The following PTPRT variants were observed in gnomAD, a reference collection of about 807,000 sequenced individuals.
The protein encoded by PTPRT is receptor-type tyrosine-protein phosphatase T.
In PTPRT, 56 loss-of-function variants were observed where a neutral mutation model predicts 176.8. The ratio of observed to expected loss-of-function variants is 0.32; its 90% CI spans 0.26 to 0.40. The LOEUF is 0.40. PTPRT is among the 10% of genes least tolerant of loss of function. The pLI is 1.00. For missense variants in PTPRT, 1,540 were observed against 1,908.2 expected (o/e 0.81, Z 3.60); for synonymous variants, 783 against 739.0 (o/e 1.06, Z -0.96).
At chr20:42,382,514 A>C (rs2058706564) in intron 9 of PTPRT, among the ~76,000 whole-genome samples, 1 of 152,186 alleles carries the variant, frequency 6.6e-6, no homozygotes, top group Non-Finnish European at 1.5e-5. Flanking sequence ...CCGTCCTGGA[A>C]CTGAGACATA....
At chr20:42,940,558 A>AT (rs1237448732) in intron 1 of PTPRT, among the ~76,000 whole-genome samples, 20 of 152,152 alleles carry the variant, frequency 1.3e-4, no homozygotes, top group Non-Finnish European at 2.1e-4. Context: ...ACATTGGAGC[A>AT]TTGACAGTGT....
At chr20:43,117,341 C>T (rs2013098883) in intron 1 of PTPRT, among the ~76,000 whole-genome samples, 1 of 152,238 alleles carries the variant, frequency 6.6e-6, no homozygotes, top group Non-Finnish European at 1.5e-5. Flanking sequence ...CATTTACACA[C>T]TTCTAGAGTT....
intron 5 of PTPRT, among the ~76,000 whole-genome samples, chr20:42,757,942 A>G (rs2076859395): frequency 6.6e-6 from 1 of 152,182 alleles, no homozygotes; most frequent in South Asian, 2.1e-4. Flanking sequence ...ATTTTTGTAT[A>G]AATCTTCATT....
intron 2 of PTPRT, among the ~76,000 whole-genome samples, chr20:42,857,877 A>C (rs1600482802): frequency 6.6e-6 from 1 of 152,020 alleles, no homozygotes; most frequent in Non-Finnish European, 1.5e-5. Context: ...TTTATGCGGG[A>C]CCCCTATTCC....
At chr20:42,140,108 C>A (rs1314593050) in intron 18 of PTPRT, among the ~76,000 whole-genome samples, 2 of 152,204 alleles carry the variant, frequency 1.3e-5, no homozygotes, top group Non-Finnish European at 2.9e-5. Flanking sequence ...TTACAATCTG[C>A]CTGTATCTTA....
intron 1 of PTPRT, among the ~76,000 whole-genome samples, chr20:43,108,713 G>C (rs559488435): frequency 2.0e-5 from 3 of 152,038 alleles, no homozygotes; most frequent in African/African-American, 7.2e-5. Flanking sequence ...GTTGGCGTGG[G>C]GGATAGAGGG....
intron 4 of PTPRT, among the ~76,000 whole-genome samples, chr20:42,771,998 T>C (rs1232994969): frequency 6.6e-6 from 1 of 151,880 alleles, no homozygotes; most frequent in African/African-American, 2.4e-5. Context: ...AAAAGAAAAA[T>C]TGGGGGGCAG....
the PTPRT span, among the ~76,000 whole-genome samples, chr20:42,034,157 T>G: frequency 7.2e-5 from 11 of 152,142 alleles, no homozygotes; most frequent in Non-Finnish European, 1.5e-5. Context: ...AAGGTTGAAA[T>G]CAAGGTGTTG....
At chr20:42,832,878 A>T (rs984165443) in intron 2 of PTPRT, among the ~76,000 whole-genome samples, 1 of 147,300 alleles carries the variant, frequency 6.8e-6, no homozygotes, top group Admixed American at 6.8e-5. Context: ...CAGAGGTGGG[A>T]GGATTGTTTG....
intron 25 of PTPRT, among the ~76,000 whole-genome samples, chr20:42,104,066 T>A (rs543440436): frequency 6.6e-6 from 1 of 152,182 alleles, no homozygotes; most frequent in South Asian, 2.1e-4. Flanking sequence ...CCAAAATCCA[T>A]GTCGTAATCT....
At chr20:43,182,386 TCTTC>T (rs1228353041) in intron 1 of PTPRT, among the ~76,000 whole-genome samples, 1 of 151,472 alleles carries the variant, frequency 6.6e-6, no homozygotes, top group East Asian at 1.9e-4. Flanking sequence ...TTTGCAAACA[TCTTC>T]CTTCTTTTTT....
chr20:42,806,471 A>G (rs1180540679), intron 2 of PTPRT, among the ~76,000 whole-genome samples: 1 of 128,610 alleles, frequency 7.8e-6, no homozygotes, highest in Non-Finnish European at 1.7e-5. Flanking sequence ...CGACAGAGCA[A>G]GACTCTGTCT....
intron 8 of PTPRT, among the ~76,000 whole-genome samples, chr20:42,469,224 G>GACA (rs2071151978): frequency 1.3e-5 from 2 of 151,960 alleles, no homozygotes; most frequent in Non-Finnish European, 2.9e-5. Flanking sequence ...TTTTGTTTGA[G>GACA]ACAGAGTCTC....
chr20:42,804,963 G>A (rs1170209321), intron 2 of PTPRT, among the ~76,000 whole-genome samples: 4 of 152,138 alleles, frequency 2.6e-5, no homozygotes, highest in African/African-American at 9.7e-5. Context: ...TTGAGATACT[G>A]GGAGTGAAGA....
chr20:42,553,098 G>A (rs1450608499), intron 7 of PTPRT, among the ~76,000 whole-genome samples: 1 of 152,062 alleles, frequency 6.6e-6, no homozygotes, highest in African/African-American at 2.4e-5. Flanking sequence ...TTACCTGAAA[G>A]AATCATGTGA....
intron 7 of PTPRT, among the ~76,000 whole-genome samples, chr20:42,473,625 C>A (rs1240479342): frequency 2.0e-5 from 3 of 152,054 alleles, no homozygotes; most frequent in Non-Finnish European, 4.4e-5. Flanking sequence ...GGGCCTACAC[C>A]ATGCTTGGCT....
intron 7 of PTPRT, among the ~76,000 whole-genome samples, chr20:42,488,175 T>G (rs1411933366): frequency 6.6e-6 from 1 of 152,170 alleles, no homozygotes; most frequent in Non-Finnish European, 1.5e-5. Flanking sequence ...TGCTTCTTAC[T>G]CATCACTGTC....
intron 7 of PTPRT, among the ~76,000 whole-genome samples, chr20:42,589,694 G>A (rs1192204286): frequency 6.6e-6 from 1 of 152,156 alleles, no homozygotes; most frequent in Admixed American, 6.5e-5. Context: ...CTTGCAACTC[G>A]ACTTCACACC....
intron 1 of PTPRT, among the ~76,000 whole-genome samples, chr20:43,137,010 A>G (rs2013853118): frequency 6.6e-6 from 1 of 152,186 alleles, no homozygotes; most frequent in South Asian, 2.1e-4. Flanking sequence ...CTAATGCCAG[A>G]TTCTAGAATC....
Sources: gnomAD v4.1 joint callset for allele counts (sites outside exome capture counted in the v4.1 genomes callset) on GRCh38, gnomAD v4.1.1 for gene constraint, MANE v1.5 for transcripts, NCBI Gene and HGNC (gene_info 2026-07-23, HGNC 2026-07-21) for gene names.